The following PCDH11Y variants were observed in gnomAD, a reference collection of about 807,000 sequenced individuals.
PCDH11Y encodes the protein protocadherin 11 Y-linked.
For missense variants in PCDH11Y, 12 were observed against 224.8 expected (o/e 0.05, Z 6.05); for synonymous variants, 9 against 83.6 (o/e 0.11, Z 4.87).
At chrY:5,366,230 G>A (rs2053179959) in intron 2 of PCDH11Y, among the ~76,000 whole-genome samples, 8 of 33,163 alleles carry the variant, frequency 2.4e-4, no homozygotes, top group African/African-American at 4.7e-4. Context: ...TTATAATATA[G>A]CCATGTGCTT....
chrY:5,376,396 C>T, intron 2 of PCDH11Y, among the ~76,000 whole-genome samples: 6 of 32,752 alleles, frequency 1.8e-4, no homozygotes, highest in Non-Finnish European at 4.5e-4. Context: ...ATCTCCTGAC[C>T]TCGTGATCCA....
intron 3 of PCDH11Y, among the ~76,000 whole-genome samples, chrY:5,512,204 G>A: frequency 3.0e-5 from 1 of 33,446 alleles, no homozygotes; most frequent in African/African-American, 1.2e-4. Flanking sequence ...TTAGCCGGGC[G>A]TGGTGGCTCA....
At chrY:5,486,438 A>G in intron 2 of PCDH11Y, among the ~76,000 whole-genome samples, 3 of 30,437 alleles carry the variant, frequency 9.9e-5, no homozygotes, top group African/African-American at 3.8e-4. Flanking sequence ...ATCAAATTGA[A>G]TCATTAATTA....
At chrY:5,281,247 C>T (rs2124660778) in intron 2 of PCDH11Y, among the ~76,000 whole-genome samples, 1 of 31,627 alleles carries the variant, frequency 3.2e-5, no homozygotes, top group East Asian at 8.2e-4. Flanking sequence ...TTGGACTTTA[C>T]ATTTAAGTCT....
At chrY:5,299,842 C>G in intron 2 of PCDH11Y, among the ~76,000 whole-genome samples, 1 of 32,142 alleles carries the variant, frequency 3.1e-5, no homozygotes, top group Non-Finnish European at 7.6e-5. Context: ...CAGTGGGTCT[C>G]TGAAACTTTT....
chrY:5,717,560 C>T, intron 4 of PCDH11Y, among the ~76,000 whole-genome samples: 3 of 33,913 alleles, frequency 8.8e-5, no homozygotes, highest in Non-Finnish European at 2.2e-4. Flanking sequence ...GATATCATCT[C>T]GCCCCAGTTA....
At chrY:5,107,709 C>A (rs2124638022), downstream of PCDH11Y, among the ~76,000 whole-genome samples, 5 of 32,142 alleles carry the variant, frequency 1.6e-4, no homozygotes, top group South Asian at 3.5e-3. Context: ...CCTTGATGGT[C>A]TCTCTGGTTC....
chrY:5,454,082 A>G, intron 2 of PCDH11Y, among the ~76,000 whole-genome samples: 1 of 33,405 alleles, frequency 3.0e-5, no homozygotes, highest in African/African-American at 1.2e-4. Flanking sequence ...TCTTCTGCCT[A>G]TGATCCTAGA....
At chrY:5,389,362 A>T in intron 2 of PCDH11Y, among the ~76,000 whole-genome samples, 1 of 33,751 alleles carries the variant, frequency 3.0e-5, no homozygotes, top group Admixed American at 2.7e-4. Context: ...TTTGAAGTAA[A>T]GTGTGCACAT....
intron 2 of PCDH11Y, among the ~76,000 whole-genome samples, chrY:5,236,101 A>T (rs376774889): frequency 1.2e-4 from 4 of 33,623 alleles, no homozygotes; most frequent in African/African-American, 4.6e-4. Flanking sequence ...GTCTTATTTC[A>T]AGTGGTGAAT....
At chrY:5,334,949 G>A (rs2053134869) in intron 2 of PCDH11Y, among the ~76,000 whole-genome samples, 1 of 29,916 alleles carries the variant, frequency 3.3e-5, no homozygotes, top group Non-Finnish European at 8.0e-5. Context: ...CCAAAATTAA[G>A]GATGCACCCG....
intron 4 of PCDH11Y, among the ~76,000 whole-genome samples, chrY:5,602,901 C>T (rs2053474118): frequency 3.7e-5 from 1 of 27,299 alleles, no homozygotes; most frequent in Admixed American, 3.7e-4. Flanking sequence ...TATACTTACA[C>T]ATATATATAT....
At position 5,257,466 on chromosome Y, in the gene PCDH11Y, C is replaced by G; in HGVS notation, c.3129+156759C>G. ...CTCACTGCTGTCTCAACTTCCTGGG[C>G]TCATGTGATTCTCCCATCTCAGCCT... On this transcript the variant is annotated intron_variant, in intron 2 of 4. Coordinates refer to the PCDH11Y transcript ENST00000400457. Among the ~76,000 whole-genome samples the G allele has an allele frequency of 9.6e-5, 3 of 31,343 alleles. No individual in the cohort carries two copies. The South Asian group carries it at 2.3e-3, about 24-fold the overall frequency. 84.1% of individuals were successfully genotyped at this position (31,343 alleles called of 37,273 possible).
chrY:5,555,227 T>C (rs1602942616), intron 3 of PCDH11Y, among the ~76,000 whole-genome samples: 8 of 33,159 alleles, frequency 2.4e-4, no homozygotes, highest in African/African-American at 4.7e-4. Context: ...TTTTGGCCAA[T>C]GTCTCCCATT....
intron 2 of PCDH11Y, among the ~76,000 whole-genome samples, chrY:5,314,438 C>T: frequency 3.2e-5 from 1 of 31,308 alleles, no homozygotes; most frequent in Non-Finnish European, 7.6e-5. Flanking sequence ...CATGAGCCAT[C>T]GTGCCTGGCA....
intron 4 of PCDH11Y, among the ~76,000 whole-genome samples, chrY:5,692,604 A>T: frequency 3.0e-5 from 1 of 32,955 alleles, no homozygotes; most frequent in African/African-American, 1.2e-4. Context: ...GTCAACTAAA[A>T]ACTGACAAAC....
chrY:5,492,361 C>A (rs2053339431), intron 2 of PCDH11Y, among the ~76,000 whole-genome samples: 1 of 31,322 alleles, frequency 3.2e-5, no homozygotes, highest in African/African-American at 1.3e-4. Flanking sequence ...ATTTTTATAC[C>A]TTTTTAAGAA....
exon 1 of PCDH11Y, chrY:5,056,538 T>C: frequency 6.0e-6 from 1 of 166,689 alleles, no homozygotes. Context: ...AAATACCCTT[T>C]ATTTTCCCTT....
intron 2 of PCDH11Y, among the ~76,000 whole-genome samples, chrY:5,382,562 G>A: frequency 3.0e-5 from 1 of 33,003 alleles, no homozygotes; most frequent in Non-Finnish European, 7.4e-5. Context: ...CTGGCAATAC[G>A]TTAGTTTTTG....
Sources: allele counts gnomAD v4.1 joint callset (sites outside exome capture counted in the v4.1 genomes callset), GRCh38; gene constraint gnomAD v4.1.1; transcripts MANE v1.5; gene names NCBI Gene and HGNC (gene_info 2026-07-23, HGNC 2026-07-21).